FIGN: variants seen among roughly 807,000 people sequenced by gnomAD.
FIGN encodes the protein fidgetin, microtubule severing factor.
Under a neutral mutation model 51.3 loss-of-function variants are expected in FIGN, and 11 were observed. That is an observed-to-expected ratio of 0.21 (90% CI 0.13 to 0.35). The LOEUF (loss-of-function observed/expected upper bound fraction) is 0.35. Ranked by LOEUF, FIGN falls within the 10% of genes least tolerant of loss-of-function variation. The probability of loss-of-function intolerance (pLI) is 1.00; values close to 1 mark genes in which losing one functional copy is unlikely to be tolerated. For synonymous variants in FIGN, 407 were observed against 363.2 expected (o/e 1.12, Z -1.37); for missense variants, 857 against 943.6 (o/e 0.91, Z 1.20).
intron 2 of FIGN, among the ~76,000 whole-genome samples, chr2:163,723,064 G>A (rs1202529903): frequency 6.6e-6 from 1 of 151,832 alleles, no homozygotes; most frequent in Non-Finnish European, 1.5e-5. Context: ...GGTGGCAGAC[G>A]CCTGTAGTCC....
intron 2 of FIGN, among the ~76,000 whole-genome samples, chr2:163,623,843 T>C (rs902938238): frequency 1.3e-5 from 2 of 152,136 alleles, no homozygotes; most frequent in South Asian, 2.1e-4. Flanking sequence ...TATTTTACTT[T>C]AGAAATTATT....
At chr2:163,732,658 T>C (rs1230620606) in intron 2 of FIGN, among the ~76,000 whole-genome samples, 1 of 152,222 alleles carries the variant, frequency 6.6e-6, no homozygotes. Flanking sequence ...ACTTCACACA[T>C]AGTGAAATCC....
intron 2 of FIGN, among the ~76,000 whole-genome samples, chr2:163,709,711 C>G (rs1012262419): frequency 6.6e-6 from 1 of 152,052 alleles, no homozygotes; most frequent in Non-Finnish European, 1.5e-5. Flanking sequence ...TGCCCAGCCC[C>G]TATAACAAGG....
intron 2 of FIGN, among the ~76,000 whole-genome samples, chr2:163,721,095 C>T (rs1345685989): frequency 6.6e-6 from 1 of 152,182 alleles, no homozygotes; most frequent in Non-Finnish European, 1.5e-5. Flanking sequence ...TGGCCACCAA[C>T]TTACATGATT....
intron 2 of FIGN, among the ~76,000 whole-genome samples, chr2:163,620,849 A>G (rs1682956707): frequency 1.8e-5 from 1 of 55,004 alleles, no homozygotes; most frequent in Non-Finnish European, 4.9e-5. Context: ...CTGTGTAAAT[A>G]TTTGTGTGTG....
Position 163,665,242 on chromosome 2 carries a change from C to T in FIGN, c.26-53436G>A, listed in dbSNP as rs139620618. ...TATCCAGGGAGTAAATGCCTAGGCTCACATTTGCATGCTCACTCCATCCAT... is the reference window on the plus strand; with the variant it reads ...TATCCAGGGAGTAAATGCCTAGGCTTACATTTGCATGCTCACTCCATCCAT... On this transcript the variant is annotated intron_variant, in intron 2 of 2. Transcript: ENST00000333129. 1.4e-3 allele frequency among the ~76,000 whole-genome samples: 214 copies of T among 152,308 alleles called. 3 individuals are homozygous for T. In the South Asian group the frequency reaches 0.032, roughly 23 times the overall value.
At chr2:163,680,388 C>G (rs1182441931) in intron 2 of FIGN, among the ~76,000 whole-genome samples, 3 of 152,130 alleles carry the variant, frequency 2.0e-5, no homozygotes, top group Non-Finnish European at 2.9e-5. Context: ...AAACCAAGCA[C>G]AAAATCTTAC....
At chr2:163,712,765 A>G (rs548237390) in intron 2 of FIGN, among the ~76,000 whole-genome samples, 2 of 152,342 alleles carry the variant, frequency 1.3e-5, no homozygotes, top group East Asian at 3.9e-4. Flanking sequence ...TCAAACATCA[A>G]TCACATTATA....
At chr2:163,645,305 T>C (rs1380939752) in intron 2 of FIGN, among the ~76,000 whole-genome samples, 2 of 152,188 alleles carry the variant, frequency 1.3e-5, no homozygotes, top group East Asian at 1.9e-4. Context: ...GGAAACAAGG[T>C]TGAGCTCCCA....
At chr2:163,644,733 A>G (rs1683356915) in intron 2 of FIGN, among the ~76,000 whole-genome samples, 1 of 152,248 alleles carries the variant, frequency 6.6e-6, no homozygotes, top group Non-Finnish European at 1.5e-5. Flanking sequence ...CTGGAAAATT[A>G]TTCAGCTTTA....
chr2:163,672,209 A>G (rs1264018475), intron 2 of FIGN, among the ~76,000 whole-genome samples: 2 of 152,042 alleles, frequency 1.3e-5, no homozygotes, highest in Non-Finnish European at 2.9e-5. Flanking sequence ...GTAGAATTAG[A>G]AAACTATTTG....
intron 2 of FIGN, among the ~76,000 whole-genome samples, chr2:163,727,422 T>C (rs1684854713): frequency 6.6e-6 from 1 of 152,100 alleles, no homozygotes; most frequent in African/African-American, 2.4e-5. Flanking sequence ...GGGGTAAATT[T>C]TTACTTAAAT....
intron 2 of FIGN, among the ~76,000 whole-genome samples, chr2:163,641,977 C>G (rs1419960195): frequency 1.3e-5 from 2 of 152,176 alleles, no homozygotes; most frequent in Non-Finnish European, 2.9e-5. Context: ...ATGTATTTCA[C>G]TAATAAAGAA....
intron 2 of FIGN, among the ~76,000 whole-genome samples, chr2:163,685,580 A>T (rs1356801583): frequency 1.3e-5 from 2 of 152,210 alleles, no homozygotes; most frequent in African/African-American, 4.8e-5. Flanking sequence ...TTTTAGATTA[A>T]GGTTATGTTA....
chr2:163,658,655 A>G (rs1445983651), intron 2 of FIGN, among the ~76,000 whole-genome samples: 1 of 152,064 alleles, frequency 6.6e-6, no homozygotes, highest in Non-Finnish European at 1.5e-5. Context: ...TTTTTCAACA[A>G]GCAGTTCTCA....
At chr2:163,658,364 GCTCTCTCTCTCTCTCTCTCTCTCTCT>G (rs55894952) in intron 2 of FIGN, among the ~76,000 whole-genome samples, 10 of 137,614 alleles carry the variant, frequency 7.3e-5, no homozygotes, top group Non-Finnish European at 1.1e-4. Context: ...TTAAGAAACA[GCTCTCTCTCTCTCTCTCTCTCTCTCT>G]CTCTCTCTCT....
intron 2 of FIGN, among the ~76,000 whole-genome samples, chr2:163,688,581 G>C (rs1451618646): frequency 1.3e-5 from 2 of 152,230 alleles, no homozygotes; most frequent in African/African-American, 4.8e-5. Flanking sequence ...GATGAGACCA[G>C]GTTATCATAG....
chr2:163,669,408 G>T (rs945555938), intron 2 of FIGN, among the ~76,000 whole-genome samples: 2 of 152,116 alleles, frequency 1.3e-5, no homozygotes, highest in Admixed American at 6.5e-5. Context: ...TTGAGACAGG[G>T]TCTTCCTATG....
chr2:163,689,232 G>C (rs1477772201), intron 2 of FIGN, among the ~76,000 whole-genome samples: 1 of 144,506 alleles, frequency 6.9e-6, no homozygotes, highest in Non-Finnish European at 1.5e-5. Flanking sequence ...ATTATGAGAG[G>C]CTGGAGCAAA....
Sources: allele counts gnomAD v4.1 joint callset (sites outside exome capture counted in the v4.1 genomes callset), GRCh38; gene constraint gnomAD v4.1.1; transcripts MANE v1.5; gene names NCBI Gene and HGNC (gene_info 2026-07-23, HGNC 2026-07-21).